Variants in AASDH observed in about 807,000 individuals in gnomAD.
The protein encoded by AASDH is aminoadipate-semialdehyde dehydrogenase.
AASDH carries 81 observed loss-of-function variants against 102.3 expected under a neutral mutation model. The observed-to-expected ratio is 0.79, with a 90% CI of 0.66 to 0.95. AASDH has a LOEUF of 0.95. AASDH is among the 40% of genes least tolerant of loss of function. AASDH has a pLI of 0.00. For synonymous variants in AASDH, 398 were observed against 454.0 expected (o/e 0.88, Z 1.57); for missense variants, 1,203 against 1,266.2 (o/e 0.95, Z 0.76).
intron 10 of AASDH, among the ~76,000 whole-genome samples, chr4:56,350,942 C>T (rs1748926085): frequency 6.6e-6 from 1 of 152,152 alleles, no homozygotes; most frequent in Non-Finnish European, 1.5e-5. Flanking sequence ...AATATTGTTA[C>T]TGAAAGTTCT....
rs189087876 is a variant in AASDH at position 56,347,280 on chromosome 4, T to G, written c.2488+1983A>C. Among the ~76,000 whole-genome samples the G allele has an allele frequency of 1.2e-3, 186 of 152,338 alleles. 1 individual carries two copies. Among genetic ancestry groups the G allele is most frequent in the African/African-American group, 4.4e-3 (183 of 41,586 alleles). On this transcript the variant is annotated intron_variant, in intron 11 of 14. Transcript: ENST00000205214. ...GCAGTTTCTTATCATTCAGGTGTATTACTGAAAGTGTTCTGTAGTATAATT... is the reference window on the plus strand; with the variant it reads ...GCAGTTTCTTATCATTCAGGTGTATGACTGAAAGTGTTCTGTAGTATAATT...
At chr4:56,370,350 T>C (rs2109966917) in intron 5 of AASDH, among the ~76,000 whole-genome samples, 1 of 149,926 alleles carries the variant, frequency 6.7e-6, no homozygotes, top group African/African-American at 2.5e-5. Flanking sequence ...AGCAAGACTC[T>C]GTCAAAAGAA....
rs748106268 is a variant in AASDH at position 56,356,366 on chromosome 4, T to G, written c.862-943A>C. On this transcript the variant is annotated intron_variant, in intron 5 of 14. Coordinates refer to ENST00000205214, the MANE Select transcript of AASDH (RefSeq NM_181806.4). ...TCAATAAGCGGCTGAAAGTGCCTCC[T>G]GCGATTAACCAGTTCACCCAGGCCC... The G allele has an allele frequency of 1.2e-4, 197 of 1,587,802 alleles. 1 individual carries two copies. Among genetic ancestry groups the G allele is most frequent in the Middle Eastern group, 5.9e-4 (3 of 5,088 alleles).
chr4:56,341,190 C>G (rs1190740180), intron 14 of AASDH, among the ~76,000 whole-genome samples: 1 of 152,132 alleles, frequency 6.6e-6, no homozygotes, highest in Non-Finnish European at 1.5e-5. Flanking sequence ...ATCAAAGAGA[C>G]AACCTGCACT....
At chr4:56,370,277 C>A (rs1003270075) in intron 5 of AASDH, among the ~76,000 whole-genome samples, 2 of 151,748 alleles carry the variant, frequency 1.3e-5, no homozygotes, top group African/African-American at 4.8e-5. Flanking sequence ...GCACAAGAAT[C>A]GCCGGAACCC....
At position 56,353,388 on chromosome 4, in the gene AASDH, C is replaced by A; in HGVS notation, c.1576+16G>T. 6.4e-7 allele frequency: 1 copy of A among 1,573,144 alleles called. No individual in the cohort carries two copies. Among genetic ancestry groups the A allele is most frequent in the Admixed American group, 1.9e-5 (1 of 51,980 alleles). Reference sequence around the variant, plus strand: ...ATTATTTGGCACTGAAACATATCTGCTTTAAATTACTTTACCGTGGGATGT... The same window carrying A: ...ATTATTTGGCACTGAAACATATCTGATTTAAATTACTTTACCGTGGGATGT... On this transcript the variant is annotated intron_variant, in intron 9 of 14. Transcript: ENST00000205214.
At chr4:56,342,312 C>T (rs1007434055) in intron 14 of AASDH, among the ~76,000 whole-genome samples, 1 of 152,058 alleles carries the variant, frequency 6.6e-6, no homozygotes, top group Non-Finnish European at 1.5e-5. Context: ...GATCCCAACA[C>T]ATAGAAATAA....
intron 11 of AASDH, among the ~76,000 whole-genome samples, chr4:56,346,656 A>C (rs1453527453): frequency 1.3e-5 from 2 of 152,224 alleles, no homozygotes; most frequent in Non-Finnish European, 2.9e-5. Flanking sequence ...AATACATAAA[A>C]CAATTCTTAA....
chr4:56,356,153 A>G, intron 5 of AASDH: 1 of 678,018 alleles, frequency 1.5e-6, no homozygotes, highest in Non-Finnish European at 2.6e-6. Context: ...AGGAAAGGCC[A>G]AGGGAAAGAA....
intron 10 of AASDH, 115 bp downstream of exon 10, chr4:56,351,227 C>T: frequency 1.6e-6 from 1 of 644,830 alleles, no homozygotes; most frequent in South Asian, 2.0e-5. Context: ...TACCTAACAT[C>T]TGGGTAGCAA....
rs576555639 is a variant in AASDH at position 56,371,317 on chromosome 4, AGGAGAC to A, written c.861+128_861+133del. ...AAACAACAAAAAAAGTCACATCCTGAGGAGACGGCCCTTGATAATCTAACCAGATTA... is the reference window on the plus strand; with the variant it reads ...AAACAACAAAAAAAGTCACATCCTGAGGCCCTTGATAATCTAACCAGATTA... On this transcript the variant is annotated intron_variant, in intron 5 of 14. Coordinates refer to ENST00000205214, the MANE Select transcript of AASDH (RefSeq NM_181806.4). 2.9e-5 allele frequency: 25 copies of A among 860,296 alleles called. No homozygotes were observed. The South Asian group carries it at 5.2e-4, about 18-fold the overall frequency. 53.3% of individuals were successfully genotyped at this position (860,296 alleles called of 1,614,324 possible).
At chr4:56,386,709 C>A (rs929050629) in intron 1 of AASDH, among the ~76,000 whole-genome samples, 1 of 137,780 alleles carries the variant, frequency 7.3e-6, no homozygotes, top group African/African-American at 2.7e-5. Context: ...AGGAGAATGG[C>A]GTCAACCCGG....
At chr4:56,355,569 C>T (rs190160399) in intron 5 of AASDH, 146 bp from the exon 6 acceptor site, 11 of 425,768 alleles carry the variant, frequency 2.6e-5, no homozygotes, top group Admixed American at 4.2e-5. Context: ...ATTTGGAAAA[C>T]TACTGGTGCA....
chr4:56,339,304 C>G (rs1747340557), intron 14 of AASDH, among the ~76,000 whole-genome samples: 1 of 151,834 alleles, frequency 6.6e-6, no homozygotes. Flanking sequence ...TGCCACCACA[C>G]CCAGGTAATT....
intron 11 of AASDH, among the ~76,000 whole-genome samples, chr4:56,345,730 T>C (rs1202133331): frequency 6.6e-6 from 1 of 152,224 alleles, no homozygotes. Flanking sequence ...ATTCAGATAA[T>C]GTGAACAAAT....
chr4:56,374,763 A>G (rs957469896), intron 4 of AASDH, among the ~76,000 whole-genome samples: 1 of 152,162 alleles, frequency 6.6e-6, no homozygotes, highest in Non-Finnish European at 1.5e-5. Context: ...TGTCAGTTTA[A>G]TTCTCAGTCC....
rs386400124 is a variant in AASDH at position 56,386,799 on chromosome 4, CAAAAAAAAAAAA to C, written c.-43+551_-43+562del. On this transcript the variant is annotated intron_variant, in intron 1 of 14. Coordinates refer to ENST00000205214, the MANE Select transcript of AASDH (RefSeq NM_181806.4). ...TGGGCGACAGAGCGAGACTCCGTCT[CAAAAAAAAAAAA>C]AAAAAAAAAAAGGAAAAAAAAAAGC... Among the ~76,000 whole-genome samples the C allele has an allele frequency of 1.9e-3, 91 of 48,830 alleles. 1 individual carries two copies. The highest frequency in any genetic ancestry group is 0.033 in the Middle Eastern group (2 of 60). 32.0% of individuals were successfully genotyped at this position (48,830 alleles called of 152,430 possible).
chr4:56,382,438 G>A (rs1353519463), intron 3 of AASDH, 39 bp downstream of exon 3: 1 of 1,490,078 alleles, frequency 6.7e-7, no homozygotes, highest in Non-Finnish European at 9.2e-7. Context: ...TGAAATAAAT[G>A]TAATACAGGC....
chr4:56,386,847 A>G (rs1753624924), intron 1 of AASDH, among the ~76,000 whole-genome samples: 1 of 151,092 alleles, frequency 6.6e-6, no homozygotes, highest in Non-Finnish European at 1.5e-5. Flanking sequence ...AAACTCTGGT[A>G]AGCAGATTTT....
Sources: allele counts gnomAD v4.1 joint callset (sites outside exome capture counted in the v4.1 genomes callset), GRCh38; gene constraint gnomAD v4.1.1; transcripts MANE v1.5; gene names NCBI Gene and HGNC (gene_info 2026-07-23, HGNC 2026-07-21).